Variants in RAB2A observed in about 807,000 individuals in gnomAD.
RAB2A encodes the protein RAB2A, member RAS oncogene family, also known as ras-related protein Rab-2A.
RAB2A carries 7 observed loss-of-function variants against 32.5 expected under a neutral mutation model. That is an observed-to-expected ratio of 0.22 (90% CI 0.12 to 0.40). The LOEUF (loss-of-function observed/expected upper bound fraction) is 0.40. RAB2A is among the 10% of genes least tolerant of loss of function. The pLI, the probability that RAB2A is intolerant of heterozygous loss-of-function variation, is 1.00. For missense variants in RAB2A, 108 were observed against 260.7 expected (o/e 0.41, Z 4.03); for synonymous variants, 79 against 85.2 (o/e 0.93, Z 0.40).
At chr8:60,599,753 C>T (rs1804098871) in intron 6 of RAB2A, among the ~76,000 whole-genome samples, 1 of 151,772 alleles carries the variant, frequency 6.6e-6, no homozygotes, top group Non-Finnish European at 1.5e-5. Context: ...AAGTCTCACA[C>T]CTTAAAAAAA....
intron 6 of RAB2A, among the ~76,000 whole-genome samples, chr8:60,617,253 G>T (rs530522943): frequency 6.6e-6 from 1 of 152,186 alleles, no homozygotes; most frequent in Non-Finnish European, 1.5e-5. Context: ...GCTTCATTTG[G>T]TCTACAGTAT....
intron 1 of RAB2A, among the ~76,000 whole-genome samples, chr8:60,528,900 G>A (rs1336405226): frequency 6.6e-6 from 1 of 152,114 alleles, no homozygotes; most frequent in Non-Finnish European, 1.5e-5. Flanking sequence ...AAAAGACTCG[G>A]TAGGATTTTG....
intron 6 of RAB2A, among the ~76,000 whole-genome samples, chr8:60,594,415 C>G (rs1803989741): frequency 6.6e-6 from 1 of 152,132 alleles, no homozygotes; most frequent in African/African-American, 2.4e-5. Context: ...AAAAACAGTT[C>G]TAATGATAGC....
intron 3 of RAB2A, chr8:60,576,407 G>A (rs1026210126): frequency 1.3e-5 from 5 of 389,026 alleles, no homozygotes; most frequent in African/African-American, 8.6e-5. Context: ...TTGCCTTCCA[G>A]CATATCCAAA....
chr8:60,607,428 C>CAAAAA (rs773988383), intron 6 of RAB2A, among the ~76,000 whole-genome samples: 6 of 57,468 alleles, frequency 1.0e-4, no homozygotes, highest in African/African-American at 3.4e-4. Flanking sequence ...GACTCCATCT[C>CAAAAA]AAAAAAAAAA....
intron 1 of RAB2A, among the ~76,000 whole-genome samples, chr8:60,548,173 A>G (rs868430078): frequency 0.012 from 211 of 17,002 alleles, 11 homozygotes; most frequent in African/African-American, 0.025. Flanking sequence ...GCGGCTGGCC[A>G]GGCAGAGTGG....
chr8:60,526,345 C>G (rs1258415654), intron 1 of RAB2A, among the ~76,000 whole-genome samples: 1 of 152,048 alleles, frequency 6.6e-6, no homozygotes, highest in Non-Finnish European at 1.5e-5. Context: ...ATCCCTTGGC[C>G]CATGGCCCCC....
intron 6 of RAB2A, among the ~76,000 whole-genome samples, chr8:60,593,983 A>G (rs1315074923): frequency 6.6e-6 from 1 of 152,092 alleles, no homozygotes; most frequent in Non-Finnish European, 1.5e-5. Flanking sequence ...GTACACTAGA[A>G]AAAAAAACTT....
chr8:60,600,099 G>T lies in RAB2A; in HGVS notation c.474+8130G>T, dbSNP rs573068759. ...AAAAAAACAATGCAATTACAAAATG[G>T]GCAAGAGAGATATGAGCAGATATTT... On this transcript the variant is annotated intron_variant, in intron 6 of 7. Transcript: ENST00000262646. 2.0e-5 allele frequency among the ~76,000 whole-genome samples: 3 copies of T among 150,882 alleles called. No individual in the cohort carries two copies. In the South Asian group the frequency reaches 6.3e-4, roughly 31 times the overall value.
At chr8:60,555,343 A>C (rs1242289996) in intron 1 of RAB2A, among the ~76,000 whole-genome samples, 1 of 152,226 alleles carries the variant, frequency 6.6e-6, no homozygotes, top group African/African-American at 2.4e-5. Flanking sequence ...AAGCACAAAA[A>C]GCAAACAAAA....
intron 6 of RAB2A, among the ~76,000 whole-genome samples, chr8:60,613,556 C>CTGG (rs1804397812): frequency 1.3e-5 from 2 of 152,206 alleles, no homozygotes; most frequent in Non-Finnish European, 2.9e-5. Context: ...AGGCTAAGCA[C>CTGG]TGGTTCCAGA....
chr8:60,569,190 A>G (rs956585514), intron 2 of RAB2A, among the ~76,000 whole-genome samples: 54 of 152,196 alleles, frequency 3.5e-4, no homozygotes, highest in African/African-American at 1.0e-3. Flanking sequence ...GCACTTGTCA[A>G]TTTTTCCTTT....
At chr8:60,559,108 T>C (rs949904666) in intron 2 of RAB2A, 185 bp downstream of exon 2, 8 of 512,274 alleles carry the variant, frequency 1.6e-5, no homozygotes. Context: ...CCTAACTTTG[T>C]AGAAGTGGTT....
intron 2 of RAB2A, among the ~76,000 whole-genome samples, chr8:60,570,661 A>C (rs1416049205): frequency 6.6e-6 from 1 of 152,190 alleles, no homozygotes; most frequent in Non-Finnish European, 1.5e-5. Context: ...CTGATACATC[A>C]TGACTCCTGG....
At chr8:60,547,426 G>A (rs376471800) in intron 1 of RAB2A, among the ~76,000 whole-genome samples, 3 of 152,180 alleles carry the variant, frequency 2.0e-5, no homozygotes, top group East Asian at 1.9e-4. Context: ...CCTCCCAGAC[G>A]GGGTGGTGGC....
chr8:60,620,863 A>T lies in RAB2A; in HGVS notation c.*94A>T, dbSNP rs958254811. 7 of 1,040,524 alleles carry T rather than the reference A, an allele frequency of 6.7e-6. No homozygotes were observed. Among genetic ancestry groups the T allele is most frequent in the Non-Finnish European group, 9.7e-6 (7 of 724,934 alleles). 64.5% of individuals were successfully genotyped at this position (1,040,524 alleles called of 1,614,324 possible). On this transcript the variant is annotated 3_prime_UTR_variant, in exon 8 of 8. Coordinates refer to ENST00000262646, the MANE Select transcript of RAB2A (RefSeq NM_002865.3). The stretch of plus-strand genomic sequence containing the variant: ...TCAGCTGAGACATGAAACTATTTGA[A>T]ATGGCTTTATGTCACAGAAGACTTT...
rs114584712 is a variant in RAB2A at position 60,604,643 on chromosome 8, G to A, written c.474+12674G>A. Reference sequence around the variant, plus strand: ...ATGCTTTAGCAAGGAAGCTGGCTGCGTTGTGCCCCTGCCCTAGGGACCTGT... The same window carrying A: ...ATGCTTTAGCAAGGAAGCTGGCTGCATTGTGCCCCTGCCCTAGGGACCTGT... On this transcript the variant is annotated intron_variant, in intron 6 of 7. Coordinates refer to ENST00000262646, the MANE Select transcript of RAB2A (RefSeq NM_002865.3). Among the ~76,000 whole-genome samples, 754 of 152,302 alleles carry A rather than the reference G, an allele frequency of 5.0e-3. 7 individuals are homozygous for A. The highest frequency in any genetic ancestry group is 0.017 in the African/African-American group (699 of 41,564).
intron 1 of RAB2A, among the ~76,000 whole-genome samples, chr8:60,553,321 C>T (rs625680): frequency 2.0e-5 from 3 of 152,130 alleles, no homozygotes; most frequent in Admixed American, 6.5e-5. Context: ...TTTCTTCTCT[C>T]TAGGAAGCCC....
At chr8:60,545,602 T>C (rs888684551) in intron 1 of RAB2A, among the ~76,000 whole-genome samples, 3 of 152,226 alleles carry the variant, frequency 2.0e-5, no homozygotes, top group Non-Finnish European at 2.9e-5. Flanking sequence ...TTTTAATGGG[T>C]ACTACTTATA....
Sources: allele counts gnomAD v4.1 joint callset (sites outside exome capture counted in the v4.1 genomes callset), GRCh38; gene constraint gnomAD v4.1.1; transcripts MANE v1.5; gene names NCBI Gene and HGNC (gene_info 2026-07-23, HGNC 2026-07-21).